Variants in ZCCHC14 observed in about 807,000 individuals in gnomAD.
ZCCHC14 encodes zinc finger CCHC domain-containing protein 14.
ZCCHC14 carries 16 observed loss-of-function variants against 85.0 expected under a neutral mutation model. The ratio of observed to expected loss-of-function variants is 0.19; its 90% CI spans 0.13 to 0.29. The LOEUF (loss-of-function observed/expected upper bound fraction) is 0.29, where lower values mean the gene tolerates loss of function less well. Ranked by LOEUF, ZCCHC14 falls within the 10% of genes least tolerant of loss-of-function variation. The pLI is 1.00. For missense variants in ZCCHC14, 1,303 were observed against 1,443.5 expected (o/e 0.90, Z 1.58); for synonymous variants, 775 against 630.7 (o/e 1.23, Z -3.43).
intron 1 of ZCCHC14, among the ~76,000 whole-genome samples, chr16:87,470,170 C>G (rs77876635): frequency 0.017 from 2,535 of 152,008 alleles, 27 homozygotes; most frequent in Middle Eastern, 0.048. Flanking sequence ...ACATCTCTAC[C>G]ACAATTTAGA....
rs561868293 is a variant in ZCCHC14, at chr16:87,491,514, T to G, written c.570+155A>C. ...TTAGGATGGGGCTTGGGATACGGGCTGGGGGCTCGTGGTGCAGGTTGGAGA... is the reference window on the plus strand; with the variant it reads ...TTAGGATGGGGCTTGGGATACGGGCGGGGGGCTCGTGGTGCAGGTTGGAGA... On this transcript the variant is annotated intron_variant, in intron 1 of 12. Coordinates refer to ENST00000671377, the MANE Select transcript of ZCCHC14 (RefSeq NM_015144.3). This position sits in a 1 kb window ranked among gnomAD's most constrained non-coding sequence, Gnocchi z 5.9. 6.6e-6 allele frequency among the ~76,000 whole-genome samples: 1 copy of G among 150,450 alleles called. No homozygotes were observed. The highest frequency in any genetic ancestry group is 6.6e-5 in the Admixed American group (1 of 15,158).
chr16:87,456,533 CAAAAAAAAAAAAAAAAAA>C (rs60817141), intron 2 of ZCCHC14, among the ~76,000 whole-genome samples: 2,493 of 63,680 alleles, frequency 0.039, 104 homozygotes, highest in Middle Eastern at 0.12. Flanking sequence ...ACTCTGTCTC[CAAAAAAAAAAAAAAAAAA>C]AAAAAAAAAA....
intron 2 of ZCCHC14, among the ~76,000 whole-genome samples, chr16:87,439,225 C>T (rs539870317): frequency 5.3e-5 from 8 of 152,042 alleles, no homozygotes; most frequent in African/African-American, 1.9e-4. Context: ...CCTCTGCCTC[C>T]GAGGTTCAAG....
chr16:87,437,935 G>A (rs371419619), intron 2 of ZCCHC14, among the ~76,000 whole-genome samples: 47 of 152,328 alleles, frequency 3.1e-4, no homozygotes, highest in South Asian at 2.1e-3. Flanking sequence ...ACGGTGTTTC[G>A]ATGCCAAGGT....
intron 1 of ZCCHC14, among the ~76,000 whole-genome samples, chr16:87,468,182 G>A (rs1911616602): frequency 6.6e-6 from 1 of 152,170 alleles, no homozygotes; most frequent in Non-Finnish European, 1.5e-5. Flanking sequence ...AGAAGTTTAA[G>A]TGGCCTTTTG....
chr16:87,454,596 C>G (rs1279930469), intron 2 of ZCCHC14, among the ~76,000 whole-genome samples: 2 of 152,206 alleles, frequency 1.3e-5, no homozygotes, highest in African/African-American at 2.4e-5. Flanking sequence ...GTCAGCAGAA[C>G]TGCAGTGAAA....
chr16:87,491,578 T>C lies in ZCCHC14; in HGVS notation c.570+91A>G. 1.7e-6 allele frequency: 2 copies of C among 1,205,850 alleles called. No homozygotes were observed. The highest frequency in any genetic ancestry group is 2.1e-6 in the Non-Finnish European group (2 of 938,416). The allele number at this position is 1,205,850 out of a possible 1,614,324, so 74.7% of individuals were successfully genotyped here. Reference sequence around the variant, plus strand: ...TCTCAGTGCAGGCTGGAGGCGTGGGTCGGGGGGTCGCGGTGCAGGCTGGAG... The same window carrying C: ...TCTCAGTGCAGGCTGGAGGCGTGGGCCGGGGGGTCGCGGTGCAGGCTGGAG... On this transcript the variant is annotated intron_variant, in intron 1 of 12. Coordinates refer to ENST00000671377, the MANE Select transcript of ZCCHC14 (RefSeq NM_015144.3). The surrounding 1 kb of genome is among the most constrained non-coding windows in gnomAD (Gnocchi z 5.9).
intron 4 of ZCCHC14, among the ~76,000 whole-genome samples, chr16:87,422,400 A>C (rs1218865990): frequency 1.3e-5 from 2 of 152,152 alleles, no homozygotes; most frequent in East Asian, 3.9e-4. Context: ...ATGCGGCAGA[A>C]GAAATGCTTG....
chr16:87,465,239 A>G (rs1418621516), intron 1 of ZCCHC14, among the ~76,000 whole-genome samples: 1 of 152,184 alleles, frequency 6.6e-6, no homozygotes, highest in Admixed American at 6.5e-5. Context: ...TGCTTTGTTC[A>G]CTGCTGTTCC....
At chr16:87,419,587 C>A (rs1160202829) in intron 6 of ZCCHC14, among the ~76,000 whole-genome samples, 196 bp downstream of exon 6, 6 of 152,190 alleles carry the variant, frequency 3.9e-5, no homozygotes, top group African/African-American at 1.4e-4. Flanking sequence ...AGGCGTGAGC[C>A]ACTGCGCCCA....
At chr16:87,486,581 G>A (rs1175611057) in intron 1 of ZCCHC14, among the ~76,000 whole-genome samples, 3 of 152,140 alleles carry the variant, frequency 2.0e-5, no homozygotes, top group East Asian at 3.9e-4. Context: ...GCACATGACT[G>A]TATGCCTCAA....
rs972485799 is a variant in ZCCHC14, at chr16:87,492,706, C to G, written c.-468G>C. On this transcript the variant is annotated 5_prime_UTR_variant, in exon 1 of 13. Coordinates refer to ENST00000671377, the MANE Select transcript of ZCCHC14 (RefSeq NM_015144.3). The surrounding 1 kb of genome is among the most constrained non-coding windows in gnomAD (Gnocchi z 6.7). Reference sequence around the variant, plus strand: ...CCCGACGGAGCCGCCCCGGCCATGCCGTCGCCGCCGCCCGCGCCTCCGCCC... The same window carrying G: ...CCCGACGGAGCCGCCCCGGCCATGCGGTCGCCGCCGCCCGCGCCTCCGCCC... The G allele has an allele frequency of 1.4e-5, 2 of 146,296 alleles. No individual in the cohort carries two copies. The highest frequency in any genetic ancestry group is 3.0e-5 in the Non-Finnish European group (2 of 65,782). The allele number at this position is 146,296 out of a possible 1,614,324, so 9.1% of individuals were successfully genotyped here.
chr16:87,467,655 GTTTCTT>G, intron 1 of ZCCHC14: 1 of 938,114 alleles, frequency 1.1e-6, no homozygotes, highest in Admixed American at 1.7e-5. Context: ...TGGTCGAACG[GTTTCTT>G]TTTCTTTTGA....
chr16:87,459,351 T>A (rs1911140909), intron 2 of ZCCHC14, among the ~76,000 whole-genome samples: 1 of 147,852 alleles, frequency 6.8e-6, no homozygotes, highest in Non-Finnish European at 1.5e-5. Flanking sequence ...CTCCCACCCT[T>A]TTTTTTTTTT....
chr16:87,412,373 G>A lies in ZCCHC14; in HGVS notation c.2348C>T (p.Pro783Leu), dbSNP rs757748716. 1.8e-5 allele frequency: 29 copies of A among 1,614,096 alleles called. No homozygotes were observed. The African/African-American group carries it at 3.6e-4, about 20-fold the overall frequency. Reference protein sequence around the residue: ...PIKLLLSSSVPADSAISGQTS... With the variant: ...PIKLLLSSSVLADSAISGQTS... ...TTGCCCAGAAATGGCAGAATCAGCA[G>A]GAACAGATGACGACAGCAGCAGTTT... Residue 783 changes from proline (P) to leucine (L), a missense_variant, in exon 12 of 13, where the codon CCT (proline) becomes CTT (leucine). Pro to Leu is a moderately conservative substitution (Grantham distance 98). This residue lies in a region of ZCCHC14 where 797 missense variants were observed against 730.8 expected (regional missense o/e 1.09). Transcript: ENST00000671377.
chr16:87,428,813 G>A lies in ZCCHC14; in HGVS notation c.768+4315C>T, dbSNP rs566621140. Among the ~76,000 whole-genome samples the A allele has an allele frequency of 4.9e-4, 74 of 152,334 alleles. 1 individual carries two copies. The highest frequency in any genetic ancestry group is 3.3e-4 in the Admixed American group (5 of 15,304). ...GAGTATAAACTTTTTGGAAGGAGTC[G>A]TCTAGTTTCTTTCACACAACACGAG... On this transcript the variant is annotated intron_variant, in intron 3 of 12. Transcript: ENST00000671377.
At position 87,414,436 on chromosome 16, in the gene ZCCHC14, C is replaced by A. The variant is rs779097344; in HGVS notation, c.1581G>T (p.Ser527=). 13 of 1,613,360 alleles carry A rather than the reference C, an allele frequency of 8.1e-6. No homozygotes were observed. Among genetic ancestry groups the A allele is most frequent in the Non-Finnish European group, 7.6e-6 (9 of 1,179,948 alleles). ...CACCTGCTGCATGGCTGCCCCGCCCCGACTGCACGGGCCCGACGTGGCTGG... is the reference window on the plus strand; with the variant it reads ...CACCTGCTGCATGGCTGCCCCGCCCAGACTGCACGGGCCCGACGTGGCTGG... ...PPTSHVGPVQ[S]GRGSHAAELR... The change falls in exon 10 of 13, where the codon TCG becomes TCT. Residue 527 remains serine (S), a synonymous_variant. Coordinates refer to ENST00000671377, the MANE Select transcript of ZCCHC14 (RefSeq NM_015144.3).
intron 2 of ZCCHC14, among the ~76,000 whole-genome samples, chr16:87,438,602 G>C (rs974291674): frequency 1.3e-5 from 2 of 152,190 alleles, no homozygotes; most frequent in African/African-American, 4.8e-5. Context: ...AGCTTAAAAG[G>C]GCCAATAGTT....
At chr16:87,470,117 G>T (rs1171840100) in intron 1 of ZCCHC14, among the ~76,000 whole-genome samples, 1 of 152,162 alleles carries the variant, frequency 6.6e-6, no homozygotes, top group Non-Finnish European at 1.5e-5. Context: ...TGGAACTCCT[G>T]AGGTCAGGAG....
Sources: gnomAD v4.1 joint callset for allele counts (sites outside exome capture counted in the v4.1 genomes callset) on GRCh38, gnomAD v4.1.1 for gene constraint, gnomAD v4.1.1 regional missense constraint, Gnocchi (gnomAD v3.1) non-coding constraint, MANE v1.5 for transcripts, NCBI Gene and HGNC (gene_info 2026-07-23, HGNC 2026-07-21) for gene names.